The following CNOT2 variants were observed in gnomAD, a reference collection of about 807,000 sequenced individuals.
The protein encoded by CNOT2 is CCR4-NOT transcription complex subunit 2.
CNOT2 carries 7 observed loss-of-function variants against 72.1 expected under a neutral mutation model. The observed-to-expected ratio is 0.10, with a 90% confidence interval of 0.06 to 0.18. The LOEUF is 0.18. Ranked by LOEUF, CNOT2 falls within the 10% of genes least tolerant of loss-of-function variation. CNOT2 has a pLI of 1.00. For synonymous variants in CNOT2, 196 were observed against 225.6 expected (o/e 0.87, Z 1.17); for missense variants, 345 against 660.3 (o/e 0.52, Z 5.23).
At chr12:70,264,298 T>A (rs1008578040) in intron 1 of CNOT2, among the ~76,000 whole-genome samples, 1 of 152,170 alleles carries the variant, frequency 6.6e-6, no homozygotes, top group East Asian at 1.9e-4. Context: ...CCAGCTTCCT[T>A]TTAGTTGCTT....
chr12:70,313,046 C>G (rs143014757), intron 3 of CNOT2, among the ~76,000 whole-genome samples: 1 of 152,116 alleles, frequency 6.6e-6, no homozygotes, highest in East Asian at 1.9e-4. Context: ...AATCACCACT[C>G]TCCATGCCAA....
At chr12:70,280,842 A>G (rs1869689726) in intron 2 of CNOT2, among the ~76,000 whole-genome samples, 1 of 152,196 alleles carries the variant, frequency 6.6e-6, no homozygotes, top group African/African-American at 2.4e-5. Context: ...TGGAGTTTGA[A>G]TACAGTAGCT....
At chr12:70,308,560 TC>T (rs1875862153) in intron 2 of CNOT2, among the ~76,000 whole-genome samples, 1 of 124,266 alleles carries the variant, frequency 8.0e-6, no homozygotes, top group African/African-American at 3.1e-5. Flanking sequence ...ATATTTTCTC[TC>T]TCTCTCTCTC....
intron 2 of CNOT2, among the ~76,000 whole-genome samples, chr12:70,306,059 TC>T (rs1218797216): frequency 4.6e-5 from 7 of 152,262 alleles, no homozygotes; most frequent in African/African-American, 1.7e-4. Flanking sequence ...CATTACGTCT[TC>T]CAGTTTAATT....
chr12:70,294,317 C>G lies in CNOT2; in HGVS notation c.48+16043C>G, dbSNP rs1038288658. Reference sequence around the variant, plus strand: ...CAGGTAAGTATGTGGTGGGGAAAGCCGGGGGAAAAATGGTACTGTCATCAG... The same window carrying G: ...CAGGTAAGTATGTGGTGGGGAAAGCGGGGGGAAAAATGGTACTGTCATCAG... On this transcript the variant is annotated intron_variant, in intron 2 of 15. Coordinates refer to ENST00000229195, the MANE Select transcript of CNOT2 (RefSeq NM_014515.7). 5.4e-6 allele frequency: 7 copies of G among 1,286,718 alleles called. No individual in the cohort carries two copies. In the East Asian group the frequency reaches 3.9e-4, roughly 72 times the overall value. The allele number at this position is 1,286,718 out of a possible 1,614,324, so 79.7% of individuals were successfully genotyped here. A position where few individuals can be genotyped will look rare whatever the true frequency, so the allele number is the denominator to read the frequency against.
intron 8 of CNOT2, 104 bp downstream of exon 8, chr12:70,335,667 T>C: frequency 1.3e-6 from 1 of 773,562 alleles, no homozygotes; most frequent in Non-Finnish European, 2.1e-6. Flanking sequence ...TGTACACATG[T>C]ATGTTTGCAT....
At position 70,278,335 on chromosome 12, in the gene CNOT2, A is replaced by G. The variant is rs372027107; in HGVS notation, c.48+61A>G. ...CTTATAGCTACATTGAAACTGTTCA[A>G]ATGTGTTATATGTAATTGGAACCAG... On this transcript the variant is annotated intron_variant, in intron 2 of 15. Coordinates refer to ENST00000229195, the MANE Select transcript of CNOT2 (RefSeq NM_014515.7). 7 of 1,252,002 alleles carry G rather than the reference A, an allele frequency of 5.6e-6. No individual in the cohort carries two copies. In the African/African-American group the frequency reaches 7.4e-5, roughly 13 times the overall value. The allele number at this position is 1,252,002 out of a possible 1,614,324, so 77.6% of individuals were successfully genotyped here.
At chr12:70,271,477 G>A (rs971632365) in intron 1 of CNOT2, among the ~76,000 whole-genome samples, 2 of 148,702 alleles carry the variant, frequency 1.3e-5, no homozygotes, top group Middle Eastern at 3.5e-3. Flanking sequence ...AGGTTCAAGC[G>A]ATTTTACTGC....
intron 4 of CNOT2, among the ~76,000 whole-genome samples, chr12:70,328,313 T>TA (rs1879399902): frequency 6.6e-6 from 1 of 151,904 alleles, no homozygotes. Flanking sequence ...TGCCAAAGGA[T>TA]AAAATCACCT....
At chr12:70,307,496 CG>C (rs1376684005) in intron 2 of CNOT2, among the ~76,000 whole-genome samples, 4 of 152,012 alleles carry the variant, frequency 2.6e-5, no homozygotes, top group African/African-American at 9.7e-5. Flanking sequence ...TATAATCTTA[CG>C]GGACCACCGT....
chr12:70,302,385 G>A (rs1234655271), intron 2 of CNOT2, among the ~76,000 whole-genome samples: 1 of 150,456 alleles, frequency 6.6e-6, no homozygotes, highest in Admixed American at 6.7e-5. Flanking sequence ...ACACTGCTTT[G>A]AATGTGTCCC....
chr12:70,316,839 A>G (rs1406764371), intron 3 of CNOT2, among the ~76,000 whole-genome samples: 2 of 152,166 alleles, frequency 1.3e-5, no homozygotes, highest in Non-Finnish European at 2.9e-5. Context: ...GAGGGCAGGT[A>G]GATACCCAGG....
chr12:70,349,384 C>A (rs1398790926), intron 15 of CNOT2, among the ~76,000 whole-genome samples: 1 of 152,110 alleles, frequency 6.6e-6, no homozygotes, highest in African/African-American at 2.4e-5. Flanking sequence ...TATTAAATAA[C>A]CTCAATTCAC....
At chr12:70,294,073 C>T (rs769826899) in intron 2 of CNOT2, 8 of 1,258,424 alleles carry the variant, frequency 6.4e-6, no homozygotes, top group Admixed American at 2.3e-5. Context: ...TTTCAAAGAG[C>T]GGAAGAATCC....
At chr12:70,310,828 T>C (rs548531642) in intron 2 of CNOT2, 67 bp from the exon 3 acceptor site, 41 of 1,389,154 alleles carry the variant, frequency 3.0e-5, no homozygotes, top group Admixed American at 2.9e-4. Flanking sequence ...GTTTTCCACA[T>C]AGGAGTAAGG....
In CNOT2 at chr12:70,353,927, A is replaced by T. The variant is rs920584610; in HGVS notation, c.*12A>T. 1 of 1,579,816 alleles carries T rather than the reference A, an allele frequency of 6.3e-7. No individual in the cohort carries two copies. Among genetic ancestry groups the T allele is most frequent in the Non-Finnish European group, 8.5e-7 (1 of 1,170,058 alleles). ...AGCAAGCCTTCTAAAAAAAAAAAAA[A>T]AAAAAAAAAAAGACTTCCCTTTTCT... On this transcript the variant is annotated 3_prime_UTR_variant, in exon 16 of 16. Transcript: ENST00000229195.
chr12:70,271,291 AG>A (rs1467889852), intron 1 of CNOT2, among the ~76,000 whole-genome samples: 6 of 151,842 alleles, frequency 4.0e-5, no homozygotes, highest in Non-Finnish European at 7.4e-5. Flanking sequence ...CTCACTAGCC[AG>A]GATTGGTTTA....
intron 1 of CNOT2, among the ~76,000 whole-genome samples, chr12:70,271,588 G>A (rs1959238309): frequency 6.6e-6 from 1 of 152,032 alleles, no homozygotes; most frequent in African/African-American, 2.4e-5. Flanking sequence ...GGCCAGACTG[G>A]TCTTGAACTC....
At chr12:70,265,333 CTTT>C (rs1202709486) in intron 1 of CNOT2, among the ~76,000 whole-genome samples, 34 of 150,000 alleles carry the variant, frequency 2.3e-4, no homozygotes, top group Non-Finnish European at 4.4e-4. Flanking sequence ...CTCTTTCTTT[CTTT>C]TTTCTTTCTT....
Sources: gnomAD v4.1 joint callset for allele counts (sites outside exome capture counted in the v4.1 genomes callset) on GRCh38, gnomAD v4.1.1 for gene constraint, MANE v1.5 for transcripts, NCBI Gene and HGNC (gene_info 2026-07-23, HGNC 2026-07-21) for gene names.